The following PDGFD variants were observed in gnomAD, a reference collection of about 807,000 sequenced individuals.
PDGFD encodes the protein platelet-derived growth factor D.
PDGFD carries 30 observed loss-of-function variants against 44.7 expected under a neutral mutation model. That is an observed-to-expected ratio of 0.67 (90% confidence interval 0.50 to 0.91). The LOEUF (loss-of-function observed/expected upper bound fraction) is 0.91, where lower values mean the gene tolerates loss of function less well. Ranked by LOEUF, PDGFD falls within the 40% of genes least tolerant of loss-of-function variation. PDGFD has a pLI of 0.00. For missense variants in PDGFD, 445 were observed against 457.8 expected, an observed-to-expected ratio of 0.97 and a Z score of 0.25; for synonymous variants, 173 against 168.4, an observed-to-expected ratio of 1.03 and a Z score of -0.21.
intron 2 of PDGFD, 22 bp downstream of exon 2, chr11:104,000,028 TA>T (rs1450548318): frequency 1.3e-6 from 2 of 1,590,118 alleles, no homozygotes; most frequent in Non-Finnish European, 8.6e-7. Context: ...AATAGTACCG[TA>T]AAAATTTTTT....
At chr11:104,031,708 G>A (rs1860128882) in intron 1 of PDGFD, among the ~76,000 whole-genome samples, 1 of 152,106 alleles carries the variant, frequency 6.6e-6, no homozygotes, top group African/African-American at 2.4e-5. Flanking sequence ...GTTCATTGCA[G>A]CACTATTCAC....
chr11:103,930,925 T>A (rs958814276), intron 5 of PDGFD, among the ~76,000 whole-genome samples: 1 of 152,192 alleles, frequency 6.6e-6, no homozygotes, highest in Non-Finnish European at 1.5e-5. Flanking sequence ...CGTCCTTTTA[T>A]CTGAACCGAG....
intron 1 of PDGFD, among the ~76,000 whole-genome samples, chr11:104,137,468 G>A (rs10895583): frequency 0.19 from 28,512 of 151,876 alleles, 2,769 homozygotes; most frequent in Middle Eastern, 0.29. Flanking sequence ...GTATGCCTAC[G>A]AATAGAAAAT....
chr11:104,032,681 G>A (rs1300596924), intron 1 of PDGFD, among the ~76,000 whole-genome samples: 1 of 149,390 alleles, frequency 6.7e-6, no homozygotes, highest in Non-Finnish European at 1.5e-5. Flanking sequence ...TTTTTAGAAA[G>A]AGGCAAATTA....
chr11:104,036,760 C>T (rs1490141294), intron 1 of PDGFD: 25 of 1,365,564 alleles, frequency 1.8e-5, no homozygotes, highest in East Asian at 2.3e-5. Context: ...GACGCAGGCC[C>T]GCCCCAGCCC....
At chr11:103,933,408 C>A (rs142455617) in intron 5 of PDGFD, among the ~76,000 whole-genome samples, 10 of 152,212 alleles carry the variant, frequency 6.6e-5, no homozygotes, top group African/African-American at 2.4e-4. Context: ...GCAAATAAAT[C>A]TGGAAAGGAC....
intron 3 of PDGFD, among the ~76,000 whole-genome samples, chr11:103,966,449 C>A (rs1859021459): frequency 6.6e-6 from 1 of 152,094 alleles, no homozygotes; most frequent in Non-Finnish European, 1.5e-5. Context: ...GAGGAAGATA[C>A]TATCTTTTTA....
At chr11:104,117,991 A>G (rs114882307) in intron 1 of PDGFD, among the ~76,000 whole-genome samples, 2,251 of 152,082 alleles carry the variant, frequency 0.015, 70 homozygotes, top group African/African-American at 0.051. Context: ...GGTTTATTGT[A>G]AAGTGACTAA....
At chr11:104,121,162 A>T (rs183641685) in intron 1 of PDGFD, among the ~76,000 whole-genome samples, 2 of 152,160 alleles carry the variant, frequency 1.3e-5, no homozygotes, top group Admixed American at 1.3e-4. Context: ...AATCCAAACG[A>T]ATTAGATTTT....
chr11:103,967,930 G>C (rs960459035), intron 3 of PDGFD, among the ~76,000 whole-genome samples: 2 of 152,050 alleles, frequency 1.3e-5, no homozygotes, highest in African/African-American at 4.8e-5. Flanking sequence ...GTTGCTTACT[G>C]CAATTTTGAT....
At chr11:103,942,164 C>T (rs900508435) in intron 5 of PDGFD, among the ~76,000 whole-genome samples, 1 of 152,066 alleles carries the variant, frequency 6.6e-6, no homozygotes, top group South Asian at 2.1e-4. Flanking sequence ...GTTCACAGTT[C>T]TTAAAAGTAT....
At chr11:103,939,105 G>A (rs1858540443) in intron 5 of PDGFD, among the ~76,000 whole-genome samples, 1 of 152,082 alleles carries the variant, frequency 6.6e-6, no homozygotes, top group South Asian at 2.1e-4. Flanking sequence ...GTAATTGGTA[G>A]CTTGATGGGG....
At chr11:104,141,429 G>A (rs1862084714) in intron 1 of PDGFD, among the ~76,000 whole-genome samples, 1 of 149,086 alleles carries the variant, frequency 6.7e-6, no homozygotes, top group African/African-American at 2.5e-5. Context: ...TCAGGATCTT[G>A]CCCTGTCACC....
chr11:103,967,391 T>C (rs901999821), intron 3 of PDGFD, among the ~76,000 whole-genome samples: 2 of 152,202 alleles, frequency 1.3e-5, no homozygotes, highest in South Asian at 4.1e-4. Context: ...ACCCTTCTTA[T>C]GTACCCCAAC....
intron 3 of PDGFD, among the ~76,000 whole-genome samples, chr11:103,964,838 A>C (rs1858990384): frequency 6.6e-6 from 1 of 151,994 alleles, no homozygotes; most frequent in Non-Finnish European, 1.5e-5. Context: ...AAGGCATCAA[A>C]ATATTTGTGC....
intron 1 of PDGFD, among the ~76,000 whole-genome samples, chr11:104,058,220 G>A (rs111488455): frequency 1.3e-5 from 2 of 152,164 alleles, no homozygotes; most frequent in African/African-American, 4.8e-5. Flanking sequence ...TTAAACCTCT[G>A]AGTGGGAGAA....
intron 5 of PDGFD, among the ~76,000 whole-genome samples, chr11:103,936,425 C>G (rs1293784392): frequency 1.3e-5 from 2 of 152,144 alleles, no homozygotes; most frequent in African/African-American, 4.8e-5. Context: ...CTTGTGTCCT[C>G]CTGTTTAGCA....
At chr11:104,013,436 C>T (rs1407631374) in intron 1 of PDGFD, among the ~76,000 whole-genome samples, 1 of 152,150 alleles carries the variant, frequency 6.6e-6, no homozygotes, top group Non-Finnish European at 1.5e-5. Context: ...CCCCTAGATG[C>T]TACTGTGTGG....
intron 3 of PDGFD, among the ~76,000 whole-genome samples, chr11:103,961,164 T>C (rs188278060): frequency 6.6e-6 from 1 of 152,334 alleles, no homozygotes; most frequent in Non-Finnish European, 1.5e-5. Flanking sequence ...CAGGGCCTGT[T>C]AACCTTTTAC....
Sources: gnomAD v4.1 joint callset for allele counts (sites outside exome capture counted in the v4.1 genomes callset) on GRCh38, gnomAD v4.1.1 for gene constraint, MANE v1.5 for transcripts, NCBI Gene and HGNC (gene_info 2026-07-23, HGNC 2026-07-21) for gene names.